The following PTPN4 variants were observed in gnomAD, a reference collection of about 807,000 sequenced individuals.
PTPN4 encodes tyrosine-protein phosphatase non-receptor type 4.
PTPN4 carries 49 observed loss-of-function variants against 135.5 expected under a neutral mutation model. The observed-to-expected ratio is 0.36, with a 90% CI of 0.29 to 0.46. The LOEUF is 0.46. PTPN4 is among the 20% of genes least tolerant of loss of function. PTPN4 has a pLI of 1.00. For missense variants in PTPN4, 860 were observed against 1,101.0 expected, an observed-to-expected ratio of 0.78 and a Z score of 3.10; for synonymous variants, 333 against 369.9, an observed-to-expected ratio of 0.90 and a Z score of 1.14.
Position 119,977,261 on chromosome 2 carries a change from AT to A in PTPN4, c.*194del, listed in dbSNP as rs1679631907. On this transcript the variant is annotated 3_prime_UTR_variant, in exon 27 of 27. Transcript: ENST00000263708. ...CTCTTTCAAAATCTATAACTCATGTATTTGAAGACTGTTTCATGCTTTGCTC... is the reference window on the plus strand; with the variant it reads ...CTCTTTCAAAATCTATAACTCATGTATTGAAGACTGTTTCATGCTTTGCTC... 1.1e-6 allele frequency: 1 copy of A among 887,672 alleles called. No individual in the cohort carries two copies. Among genetic ancestry groups the A allele is most frequent in the African/African-American group, 1.8e-5 (1 of 56,726 alleles). 55.0% of individuals were successfully genotyped at this position (887,672 alleles called of 1,614,324 possible).
intron 10 of PTPN4, among the ~76,000 whole-genome samples, chr2:119,909,296 G>A (rs189521058): frequency 6.6e-6 from 1 of 152,286 alleles, no homozygotes; most frequent in Non-Finnish European, 1.5e-5. Flanking sequence ...TAAAGTTGAA[G>A]CCAGTGCTCA....
intron 3 of PTPN4, among the ~76,000 whole-genome samples, chr2:119,867,445 A>G (rs1677849401): frequency 6.6e-6 from 1 of 152,178 alleles, no homozygotes; most frequent in African/African-American, 2.4e-5. Flanking sequence ...GAAAAGGGGT[A>G]AATCAAGGTT....
At chr2:119,813,795 T>C (rs1366874092) in intron 2 of PTPN4, among the ~76,000 whole-genome samples, 2 of 152,082 alleles carry the variant, frequency 1.3e-5, no homozygotes, top group Non-Finnish European at 2.9e-5. Context: ...TGGCATCCTG[T>C]GGAGGTGTCC....
chr2:119,774,116 AAG>A (rs1391715525), intron 1 of PTPN4, among the ~76,000 whole-genome samples: 1 of 152,228 alleles, frequency 6.6e-6, no homozygotes, highest in Non-Finnish European at 1.5e-5. Flanking sequence ...TCACAATAAA[AAG>A]TGATCTTTTG....
At chr2:119,914,484 A>G (rs1249414740) in intron 10 of PTPN4, among the ~76,000 whole-genome samples, 1 of 152,096 alleles carries the variant, frequency 6.6e-6, no homozygotes, top group East Asian at 1.9e-4. Context: ...TTCTTTGAGA[A>G]TGCTGAGAGC....
chr2:119,833,171 CTT>C (rs1677243125), intron 2 of PTPN4, among the ~76,000 whole-genome samples: 1 of 151,766 alleles, frequency 6.6e-6, no homozygotes, highest in Admixed American at 6.6e-5. Context: ...TTTAATCCAT[CTT>C]TAAGTAATTT....
chr2:119,765,782 T>C (rs1690603770), intron 1 of PTPN4, among the ~76,000 whole-genome samples: 1 of 152,194 alleles, frequency 6.6e-6, no homozygotes, highest in South Asian at 2.1e-4. Flanking sequence ...TTGATCTGGG[T>C]AGAGAGAACA....
intron 2 of PTPN4, among the ~76,000 whole-genome samples, chr2:119,852,609 T>G (rs889504562): frequency 8.5e-5 from 13 of 152,232 alleles, no homozygotes; most frequent in African/African-American, 3.1e-4. Context: ...GATTTTTGTT[T>G]TACCAATTTT....
At chr2:119,953,744 A>G (rs1412744836) in intron 19 of PTPN4, among the ~76,000 whole-genome samples, 3 of 152,178 alleles carry the variant, frequency 2.0e-5, no homozygotes, top group African/African-American at 7.2e-5. Flanking sequence ...TAGACATCCA[A>G]TGAGATTGAT....
At chr2:119,765,201 T>G (rs994048381) in intron 1 of PTPN4, among the ~76,000 whole-genome samples, 43 of 152,364 alleles carry the variant, frequency 2.8e-4, no homozygotes, top group African/African-American at 1.0e-3. Context: ...ATAGTTGGTA[T>G]TATTTTTTCA....
rs11901140 is a variant in PTPN4, at chr2:119,903,787, C to T, written c.764+2981C>T. Among the ~76,000 whole-genome samples the T allele has an allele frequency of 3.6e-3, 546 of 152,314 alleles. 3 individuals are homozygous for T. The highest frequency in any genetic ancestry group is 0.013 in the African/African-American group (524 of 41,564). ...AGACCCAAGGACTGGCATGCCCAGC[C>T]TGCCATCACCACAGCTGGTGCCCAT... On this transcript the variant is annotated intron_variant, in intron 10 of 26. Coordinates refer to ENST00000263708, the MANE Select transcript of PTPN4 (RefSeq NM_002830.4).
Position 119,862,606 on chromosome 2 carries a change from T to A in PTPN4, c.209T>A (p.Phe70Tyr), listed in dbSNP as rs1401955462. 1 of 1,613,322 alleles carries A rather than the reference T, an allele frequency of 6.2e-7. No homozygotes were observed. Among genetic ancestry groups the A allele is most frequent in the Non-Finnish European group, 8.5e-7 (1 of 1,179,574 alleles). ...CTAGATTTGACTGAGCAGGACTATT[T>A]TGGTTTACAGTTGGCTGATGATTCC... ...KHLDLTEQDY[F>Y]GLQLADDSTD... The change falls in exon 3 of 27, where the codon TTT (phenylalanine) becomes TAT (tyrosine). Residue 70 changes from phenylalanine to tyrosine, a missense_variant. Coordinates refer to ENST00000263708, the MANE Select transcript of PTPN4 (RefSeq NM_002830.4).
chr2:119,871,155 A>T (rs1677903628), intron 3 of PTPN4, among the ~76,000 whole-genome samples: 1 of 148,732 alleles, frequency 6.7e-6, no homozygotes, highest in Non-Finnish European at 1.5e-5. Flanking sequence ...AATTACAATG[A>T]TAACACTCTT....
chr2:119,892,070 C>A (rs1678248832), intron 9 of PTPN4, among the ~76,000 whole-genome samples: 1 of 152,064 alleles, frequency 6.6e-6, no homozygotes, highest in South Asian at 2.1e-4. Flanking sequence ...AAAACTGAAC[C>A]CTCCCAAAGC....
rs1212177458 is a variant in PTPN4 at position 119,962,749 on chromosome 2, G to A, written c.2409+5G>A. On this transcript the variant is annotated splice_donor_5th_base_variant and intron_variant, in intron 24 of 26. Transcript: ENST00000263708. ...ATGACCCTATTTAACCAAGAGGTAA[G>A]AAGGCAGGATATCTGTTCATTAGAA... 1 of 1,568,732 alleles carries A rather than the reference G, an allele frequency of 6.4e-7. No homozygotes were observed. Among genetic ancestry groups the A allele is most frequent in the Admixed American group, 1.8e-5 (1 of 56,950 alleles).
intron 10 of PTPN4, among the ~76,000 whole-genome samples, 175 bp from the exon 11 acceptor site, chr2:119,915,001 ATAC>A (rs1678630613): frequency 6.6e-6 from 1 of 152,310 alleles, no homozygotes; most frequent in Admixed American, 6.5e-5. Context: ...TTGAACACAA[ATAC>A]TAATTATTTT....
At chr2:119,963,557 CA>C (rs760888446) in intron 24 of PTPN4, among the ~76,000 whole-genome samples, 4 of 152,134 alleles carry the variant, frequency 2.6e-5, no homozygotes, top group Non-Finnish European at 5.9e-5. Flanking sequence ...CCTCCAACCC[CA>C]AGAGCATGAT....
At chr2:119,760,410 G>C in intron 1 of PTPN4, 26 bp downstream of exon 1, 1 of 387,634 alleles carries the variant, frequency 2.6e-6, no homozygotes, top group Non-Finnish European at 4.6e-6. Context: ...GTCCCCGCCG[G>C]CCTCTCGGCC....
intron 18 of PTPN4, 107 bp from the exon 19 acceptor site, chr2:119,951,866 A>G (rs551909504): frequency 5.0e-5 from 41 of 822,566 alleles, no homozygotes; most frequent in East Asian, 1.3e-4. Flanking sequence ...ATGCTTTTCT[A>G]TATGTAGTTT....
Sources: allele counts gnomAD v4.1 joint callset (sites outside exome capture counted in the v4.1 genomes callset), GRCh38; gene constraint gnomAD v4.1.1; transcripts MANE v1.5; gene names NCBI Gene and HGNC (gene_info 2026-07-23, HGNC 2026-07-21).